Variants in ANKRD50 observed in about 807,000 individuals in gnomAD.
The protein encoded by ANKRD50 is ankyrin repeat domain 50.
ANKRD50 carries 40 observed loss-of-function variants against 112.0 expected under a neutral mutation model. That is an observed-to-expected ratio of 0.36 (90% confidence interval 0.28 to 0.46). The LOEUF (loss-of-function observed/expected upper bound fraction) is 0.46, where lower values mean the gene tolerates loss of function less well. ANKRD50 is among the 20% of genes least tolerant of loss of function. The pLI, the probability that ANKRD50 is intolerant of heterozygous loss-of-function variation, is 1.00. For missense variants in ANKRD50, 1,487 were observed against 1,701.7 expected (o/e 0.87, Z 2.22); for synonymous variants, 613 against 619.1 (o/e 0.99, Z 0.15).
intron 2 of ANKRD50, among the ~76,000 whole-genome samples, chr4:124,698,777 T>C (rs1446471249): frequency 6.6e-6 from 1 of 152,184 alleles, no homozygotes. Context: ...AGGATTGTAT[T>C]GAATCTATAG....
intron 2 of ANKRD50, among the ~76,000 whole-genome samples, chr4:124,705,254 T>C (rs1725479903): frequency 6.6e-6 from 1 of 152,218 alleles, no homozygotes; most frequent in Admixed American, 6.5e-5. Context: ...AATGTCAGTA[T>C]TTGGTCTCCC....
At chr4:124,702,451 T>C (rs1725412513) in intron 2 of ANKRD50, among the ~76,000 whole-genome samples, 1 of 152,156 alleles carries the variant, frequency 6.6e-6, no homozygotes, top group South Asian at 2.1e-4. Flanking sequence ...AGGACAGTGC[T>C]TCTCAAAGTA....
At chr4:124,695,129 T>A (rs1222108896) in intron 2 of ANKRD50, among the ~76,000 whole-genome samples, 2 of 152,044 alleles carry the variant, frequency 1.3e-5, no homozygotes, top group African/African-American at 4.8e-5. Flanking sequence ...TAAAATGTAG[T>A]AGGTGGCAGC....
intron 3 of ANKRD50, among the ~76,000 whole-genome samples, chr4:124,676,913 G>C (rs1168570470): frequency 6.6e-6 from 1 of 150,992 alleles, no homozygotes; most frequent in Non-Finnish European, 1.5e-5. Flanking sequence ...ATAAGCATAA[G>C]GGAGAAAGGG....
At position 124,670,707 on chromosome 4, in the gene ANKRD50, T is replaced by A. The variant is rs777677365; in HGVS notation, c.2570A>T (p.Glu857Val). The A allele has an allele frequency of 1.2e-6, 2 of 1,613,412 alleles. No homozygotes were observed. The highest frequency in any genetic ancestry group is 8.5e-7 in the Non-Finnish European group (1 of 1,179,752). Reference protein sequence around the residue: ...GWTPLHMAAFEGHRLICEALI... With the variant: ...GWTPLHMAAFVGHRLICEALI... ...TGCTTCACATATCAATCTGTGCCCTTCAAAAGCTGCCATGTGCAAAGGTGT... is the reference window on the plus strand; with the variant it reads ...TGCTTCACATATCAATCTGTGCCCTACAAAAGCTGCCATGTGCAAAGGTGT... Residue 857 changes from glutamate to valine, a missense_variant, in exon 4 of 5, where the codon GAA becomes GTA. This residue lies in a region of ANKRD50 where 1,046 missense variants were observed against 1,269.5 expected (regional missense o/e 0.82). Coordinates refer to ENST00000504087, the MANE Select transcript of ANKRD50 (RefSeq NM_020337.3).
At position 124,669,085 on chromosome 4, in the gene ANKRD50, G is replaced by T. The variant is rs961444935; in HGVS notation, c.4192C>A (p.Pro1398Thr). 6.2e-7 allele frequency: 1 copy of T among 1,613,296 alleles called. No individual in the cohort carries two copies. Among genetic ancestry groups the T allele is most frequent in the African/African-American group, 1.3e-5 (1 of 74,832 alleles). The part of the protein sequence containing the change: ...RGHQEVLEGY[P>T]SSETELSLKQ... ...AGGCTTAATTCTGTCTCTGAGGAAG[G>T]GTATCCCTCCAACACTTCCTGATGC... Residue 1398 changes from proline (P) to threonine (T), a missense_variant, in exon 4 of 5, where the codon CCT becomes ACT. Pro to Thr is a conservative substitution (Grantham distance 38, BLOSUM62 -1). Coordinates refer to ENST00000504087, the MANE Select transcript of ANKRD50 (RefSeq NM_020337.3).
At chr4:124,696,927 A>G (rs1725267957) in intron 2 of ANKRD50, among the ~76,000 whole-genome samples, 1 of 152,204 alleles carries the variant, frequency 6.6e-6, no homozygotes, top group South Asian at 2.1e-4. Context: ...TGTCATATCA[A>G]TCTTGAAACA....
At chr4:124,712,220 C>A (rs1299944341) in intron 1 of ANKRD50, among the ~76,000 whole-genome samples, 1 of 152,054 alleles carries the variant, frequency 6.6e-6, no homozygotes, top group African/African-American at 2.4e-5. Context: ...TGACTGAGGT[C>A]CTTGCCAATC....
Position 124,671,081 on chromosome 4 carries a change from G to T in ANKRD50, c.2196C>A (p.Ser732Arg). The T allele has an allele frequency of 6.2e-7, 1 of 1,613,730 alleles. No homozygotes were observed. The highest frequency in any genetic ancestry group is 8.5e-7 in the Non-Finnish European group (1 of 1,179,842). Residue 732 changes from serine (S) to arginine (R), a missense_variant, in exon 4 of 5, where the codon AGC (serine) becomes AGA (arginine). By Grantham distance (110) the Ser-to-Arg change is moderately radical. This residue lies in a region of ANKRD50 where 1,046 missense variants were observed against 1,269.5 expected (regional missense o/e 0.82). Coordinates refer to ENST00000504087, the MANE Select transcript of ANKRD50 (RefSeq NM_020337.3). ...PASKGHASVV[S>R]LLIDRGAEVD... ...CTTCAGCACCTCGATCAATTAAAAG[G>T]CTAACAACTGATGCGTGCCCTTTAC...
rs556010948 is a variant in ANKRD50 at position 124,679,778 on chromosome 4, T to G, written c.513-873A>C. On this transcript the variant is annotated intron_variant, in intron 2 of 4. Transcript: ENST00000504087. The stretch of plus-strand genomic sequence containing the variant: ...TTATCACCATGCAAGAATCAATATT[T>G]CTTTTTAAAAAATCTCAAATATCCT... Among the ~76,000 whole-genome samples, 3 of 152,306 alleles carry G rather than the reference T, an allele frequency of 2.0e-5. No homozygotes were observed. The South Asian group carries it at 6.2e-4, about 32-fold the overall frequency.
rs200772529 is a variant in ANKRD50, at chr4:124,669,577, A to C, written c.3700T>G (p.Ser1234Ala). ...AAGGACTGTGTTGTGGAAGATGGGGAAACAATTGACTGTCGACTTCTACTG... is the reference window on the plus strand; with the variant it reads ...AAGGACTGTGTTGTGGAAGATGGGGCAACAATTGACTGTCGACTTCTACTG... ...PRSRSRQSIV[S>A]PSSTTQSLGQ... The change falls in exon 4 of 5, where the codon TCC (serine) becomes GCC (alanine). Residue 1234 changes from serine (S) to alanine (A), a missense_variant. Ser to Ala is a moderately conservative substitution (Grantham distance 99). Coordinates refer to ENST00000504087, the MANE Select transcript of ANKRD50 (RefSeq NM_020337.3). 235 of 1,613,426 alleles carry C rather than the reference A, an allele frequency of 1.5e-4. 1 individual carries two copies. Among genetic ancestry groups the C allele is most frequent in the Non-Finnish European group, 1.8e-4 (210 of 1,179,826 alleles).
In ANKRD50 at chr4:124,670,247, A is replaced by G. The variant is rs1415752331; in HGVS notation, c.3030T>C (p.Asn1010=). ...AYHADVNAAD[N]EKRSALQSAA... ...CAGACTGCAAAGCAGAGCGCTTTTCATTGTCTGCAGCATTGACGTCAGCAT... is the reference window on the plus strand; with the variant it reads ...CAGACTGCAAAGCAGAGCGCTTTTCGTTGTCTGCAGCATTGACGTCAGCAT... Residue 1010 remains asparagine (N), a synonymous_variant, in exon 4 of 5, where the codon AAT becomes AAC. Coordinates refer to ENST00000504087, the MANE Select transcript of ANKRD50 (RefSeq NM_020337.3). 1 of 1,613,710 alleles carries G rather than the reference A, an allele frequency of 6.2e-7. No individual in the cohort carries two copies. Among genetic ancestry groups the G allele is most frequent in the African/African-American group, 1.3e-5 (1 of 74,872 alleles).
rs1730450233 is a variant in ANKRD50, at chr4:124,664,784, TGAGG to T, written c.*2730_*2733del. 6.6e-6 allele frequency: 1 copy of T among 151,986 alleles called. No individual in the cohort carries two copies. The highest frequency in any genetic ancestry group is 2.1e-4 in the South Asian group (1 of 4,838). The allele number at this position is 151,986 out of a possible 1,614,324, so 9.4% of individuals were successfully genotyped here. ...AAACTATTTTTGGTGAGAATTCCAG[TGAGG>T]GTGGGGGTGAAAACAAAGAACAAAA... is the stretch of plus-strand genomic sequence containing the variant. On this transcript the variant is annotated 3_prime_UTR_variant, in exon 5 of 5. Coordinates refer to ENST00000504087, the MANE Select transcript of ANKRD50 (RefSeq NM_020337.3).
In ANKRD50 at chr4:124,669,595, T is replaced by C. The variant is rs767605335; in HGVS notation, c.3682A>G (p.Ser1228Gly). 6.8e-6 allele frequency: 11 copies of C among 1,613,540 alleles called. No individual in the cohort carries two copies. Among genetic ancestry groups the C allele is most frequent in the African/African-American group, 1.3e-5 (1 of 74,896 alleles). ...GATGGGGAAACAATTGACTGTCGACTTCTACTGCGTGGCAATGAATGCTGC... is the reference window on the plus strand; with the variant it reads ...GATGGGGAAACAATTGACTGTCGACCTCTACTGCGTGGCAATGAATGCTGC... ...IQQHSLPRSRSRQSIVSPSST... is the reference protein window; with the variant it reads ...IQQHSLPRSRGRQSIVSPSST... The change falls in exon 4 of 5, where the codon AGT (serine) becomes GGT (glycine). Residue 1228 changes from serine to glycine, a missense_variant. Transcript: ENST00000504087.
chr4:124,695,875 C>T (rs1345001132), intron 2 of ANKRD50, among the ~76,000 whole-genome samples: 2 of 152,110 alleles, frequency 1.3e-5, no homozygotes, highest in South Asian at 4.1e-4. Context: ...GCATCAGCCC[C>T]TCACCCTATC....
At chr4:124,691,906 CA>C (rs1354146464) in intron 2 of ANKRD50, among the ~76,000 whole-genome samples, 3 of 152,126 alleles carry the variant, frequency 2.0e-5, no homozygotes, top group Non-Finnish European at 4.4e-5. Flanking sequence ...ATCTGAAATA[CA>C]AATCCAAAAT....
intron 2 of ANKRD50, among the ~76,000 whole-genome samples, chr4:124,683,184 CAGT>C (rs1006446980): frequency 2.0e-5 from 3 of 151,432 alleles, no homozygotes; most frequent in Non-Finnish European, 2.9e-5. Flanking sequence ...AGTTGTGTAA[CAGT>C]AGGTGTTTTC....
At chr4:124,697,785 G>A (rs1241711749) in intron 2 of ANKRD50, among the ~76,000 whole-genome samples, 1 of 152,196 alleles carries the variant, frequency 6.6e-6, no homozygotes, top group Non-Finnish European at 1.5e-5. Flanking sequence ...GCTGGTATAA[G>A]AGGAGAGAAC....
At chr4:124,682,205 C>A (rs7684604) in intron 2 of ANKRD50, among the ~76,000 whole-genome samples, 151,491 of 151,826 alleles carry the variant, frequency 1, 75,580 homozygotes, top group Middle Eastern at 1. Flanking sequence ...AGTCCCAGCT[C>A]CTTGGGAGGC....
Sources: gnomAD v4.1 joint callset for allele counts (sites outside exome capture counted in the v4.1 genomes callset) on GRCh38, gnomAD v4.1.1 for gene constraint, gnomAD v4.1.1 regional missense constraint, MANE v1.5 for transcripts, NCBI Gene and HGNC (gene_info 2026-07-23, HGNC 2026-07-21) for gene names.